Variants in HSPG2 observed in about 807,000 individuals in gnomAD.
HSPG2 encodes basement membrane-specific heparan sulfate proteoglycan core protein.
Under a neutral mutation model 526.6 loss-of-function variants are expected in HSPG2, and 278 were observed. The observed-to-expected ratio is 0.53, with a 90% confidence interval of 0.48 to 0.58. The LOEUF is 0.58. Among genes scored for constraint, HSPG2 ranks in the 20% least tolerant of loss-of-function variants. HSPG2 has a pLI of 0.00. For missense variants in HSPG2, 5,354 were observed against 6,099.5 expected (o/e 0.88, Z 4.07); for synonymous variants, 2,465 against 2,555.4 (o/e 0.96, Z 1.07).
chr1:21,842,475 G>T (rs66533518), intron 67 of HSPG2, 95 bp from the exon 68 acceptor site: 1 of 1,370,516 alleles, frequency 7.3e-7, no homozygotes. Context: ...GAGTTCTCTC[G>T]GAAGCTCAGG....
chr1:21,835,496 C>T, intron 76 of HSPG2, 44 bp downstream of exon 76: 1 of 1,322,592 alleles, frequency 7.6e-7, no homozygotes, highest in South Asian at 1.2e-5. Context: ...CCTTTCTCAT[C>T]TCTGTTCCCT....
At chr1:21,888,948 C>T (rs1052899886) in intron 6 of HSPG2, among the ~76,000 whole-genome samples, 18 of 152,180 alleles carry the variant, frequency 1.2e-4, no homozygotes, top group Admixed American at 5.2e-4. Flanking sequence ...GTTTTAGAGG[C>T]AGGGTTTTGC....
Position 21,890,583 on chromosome 1 carries a change from A to G in HSPG2, c.354+2T>C. ...GAGCTTCCCAAACCCCCTTCACCTC[A>G]CCGTGTCTACCACAGCCTCGGACAC... On this transcript the variant is annotated splice_donor_variant, in intron 4 of 96. Coordinates refer to ENST00000374695, the MANE Select transcript of HSPG2 (RefSeq NM_005529.7). LOFTEE classifies it high-confidence loss of function. This position sits in a 1 kb window ranked among gnomAD's most constrained non-coding sequence, Gnocchi z 4.1. The G allele has an allele frequency of 1.9e-6, 3 of 1,610,468 alleles. No individual in the cohort carries two copies. Among genetic ancestry groups the G allele is most frequent in the Non-Finnish European group, 1.7e-6 (2 of 1,177,032 alleles).
rs767688631 is a variant in HSPG2 at position 21,841,208 on chromosome 1, T to C, written c.9406A>G (p.Ser3136Gly). 1 of 1,613,882 alleles carries C rather than the reference T, an allele frequency of 6.2e-7. No homozygotes were observed. The highest frequency in any genetic ancestry group is 8.5e-7 in the Non-Finnish European group (1 of 1,180,044). ...GCAGAGGAGCGGGGCTCCCCGGCAC[T>C]GACACACTCCAGGGTGACAGCCTTT... ...VGKAVTLECV[S>G]AGEPRSSARW... is the part of the protein sequence containing the mutation. The change falls in exon 71 of 97, where the codon AGT (serine) becomes GGT (glycine). Residue 3136 changes from serine to glycine, a missense_variant. Transcript: ENST00000374695.
chr1:21,859,773 GC>G lies in HSPG2; in HGVS notation c.5182+61del. On this transcript the variant is annotated intron_variant, in intron 41 of 96. Coordinates refer to ENST00000374695, the MANE Select transcript of HSPG2 (RefSeq NM_005529.7). The surrounding 1 kb of genome is among the most constrained non-coding windows in gnomAD (Gnocchi z 5.3). ...CAGCATCCCACTAGGGCAGGGACAG[GC>G]CCCTGCCTCCCCTCCCACTGGGATG... is the stretch of plus-strand genomic sequence containing the variant. The G allele has an allele frequency of 6.3e-7, 1 of 1,597,244 alleles. No individual in the cohort carries two copies.
At chr1:21,881,760 T>G (rs1050438043) in intron 13 of HSPG2, among the ~76,000 whole-genome samples, 1 of 151,856 alleles carries the variant, frequency 6.6e-6, no homozygotes, top group Non-Finnish European at 1.5e-5. Flanking sequence ...CTTCCCAACA[T>G]GGTGAAACCT....
At position 21,832,539 on chromosome 1, in the gene HSPG2, G is replaced by A. The variant is rs529410185; in HGVS notation, c.11163C>T (p.Pro3721=). The A allele has an allele frequency of 1.9e-5, 31 of 1,614,082 alleles. No homozygotes were observed. The highest frequency in any genetic ancestry group is 5.3e-5 in the African/African-American group (4 of 74,930). ...CCACGAGGCCGAAGGAGATGAAGTC[G>A]GGCTGCCGGTTGGCCAGGTTGGTGG... The part of the protein sequence containing the change: ...GSPTNLANRQ[P]DFISFGLVGG... The change falls in exon 81 of 97, where the codon CCC becomes CCT. Residue 3721 remains proline, a synonymous_variant. Coordinates refer to ENST00000374695, the MANE Select transcript of HSPG2 (RefSeq NM_005529.7).
In HSPG2 at chr1:21,933,875, G is replaced by T. The variant is rs1379280238; in HGVS notation, c.63+3280C>A. On this transcript the variant is annotated intron_variant, in intron 1 of 96. Coordinates refer to ENST00000374695, the MANE Select transcript of HSPG2 (RefSeq NM_005529.7). Reference sequence around the variant, plus strand: ...CTGGCTGCGTGGAGGAGGGCTGAGGGACCGCCAGGAAGGGGAGGCTCCTGC... The same window carrying T: ...CTGGCTGCGTGGAGGAGGGCTGAGGTACCGCCAGGAAGGGGAGGCTCCTGC... Among the ~76,000 whole-genome samples, 6 of 152,370 alleles carry T rather than the reference G, an allele frequency of 3.9e-5. No individual in the cohort carries two copies. The East Asian group carries it at 7.7e-4, about 20-fold the overall frequency.
Position 21,824,506 on chromosome 1 carries a change from C to T in HSPG2, c.12744+31G>A, listed in dbSNP as rs1027104657. On this transcript the variant is annotated intron_variant, in intron 93 of 96. Coordinates refer to ENST00000374695, the MANE Select transcript of HSPG2 (RefSeq NM_005529.7). The surrounding 1 kb of genome is among the most constrained non-coding windows in gnomAD (Gnocchi z 5.9). The stretch of plus-strand genomic sequence containing the variant: ...GAAGCCAGCTTCCTGCCCCAGGAGC[C>T]CCAAGAGCCCAGCCGGATACCCACA... The T allele has an allele frequency of 3.1e-6, 5 of 1,611,384 alleles. No homozygotes were observed. The highest frequency in any genetic ancestry group is 4.2e-6 in the Non-Finnish European group (5 of 1,179,242).
chr1:21,847,838 G>C lies in HSPG2; in HGVS notation c.7876C>G (p.Pro2626Ala). Reference sequence around the variant, plus strand: ...ATCCTGATCGGTGGGGAGACGCTGGGCACTGGGGACAGACGGGTGTGGACC... The same window carrying C: ...ATCCTGATCGGTGGGGAGACGCTGGCCACTGGGGACAGACGGGTGTGGACC... ...TIQGSGSSHV[P>A]SVSPPIRIES... The change falls in exon 61 of 97, where the codon CCC becomes GCC. Residue 2626 changes from proline to alanine, a missense_variant and splice_region_variant. By Grantham distance (27) the Pro-to-Ala change is conservative. Transcript: ENST00000374695. The surrounding 1 kb of genome is among the most constrained non-coding windows in gnomAD (Gnocchi z 4.1). 1 of 1,613,904 alleles carries C rather than the reference G, an allele frequency of 6.2e-7. No homozygotes were observed. The highest frequency in any genetic ancestry group is 1.1e-5 in the South Asian group (1 of 91,074).
chr1:21,836,223 TTC>T (rs1297840625), intron 75 of HSPG2, among the ~76,000 whole-genome samples: 1 of 152,178 alleles, frequency 6.6e-6, no homozygotes, highest in African/African-American at 2.4e-5. Flanking sequence ...CCAGGGCCTG[TTC>T]TCTTTCCTCC....
chr1:21,830,538 A>T (rs1167198062), intron 85 of HSPG2: 1 of 268,584 alleles, frequency 3.7e-6, no homozygotes, highest in Non-Finnish European at 7.2e-6. Flanking sequence ...AAATGCAAAA[A>T]ATTTAGCCAG....
intron 74 of HSPG2, among the ~76,000 whole-genome samples, chr1:21,837,445 A>AG (rs776911565): frequency 1.4e-5 from 2 of 139,430 alleles, no homozygotes; most frequent in African/African-American, 5.2e-5. Context: ...TGCCTGGCTA[A>AG]TTTTTTTTTT....
chr1:21,901,534 G>C (rs1643103582), intron 1 of HSPG2, among the ~76,000 whole-genome samples: 1 of 152,082 alleles, frequency 6.6e-6, no homozygotes, highest in South Asian at 2.1e-4. Flanking sequence ...TGCCTGCTCA[G>C]AGGCTGACTC....
Position 21,887,824 on chromosome 1 carries a change from C to A in HSPG2, c.703+114G>T. 1 of 1,577,092 alleles carries A rather than the reference C, an allele frequency of 6.3e-7. No individual in the cohort carries two copies. Among genetic ancestry groups the A allele is most frequent in the Non-Finnish European group, 8.7e-7 (1 of 1,149,266 alleles). On this transcript the variant is annotated intron_variant, in intron 7 of 96. Transcript: ENST00000374695. This position sits in a 1 kb window ranked among gnomAD's most constrained non-coding sequence, Gnocchi z 5.0. Reference sequence around the variant, plus strand: ...TCTGTCATCACCCTTCCTATGCCCCCATCCTCTGCCTGCACCAAACCCTCA... The same window carrying A: ...TCTGTCATCACCCTTCCTATGCCCCAATCCTCTGCCTGCACCAAACCCTCA...
chr1:21,893,469 G>T lies in HSPG2; in HGVS notation c.244+2453C>A, dbSNP rs1290960360. Among the ~76,000 whole-genome samples, 1 of 152,212 alleles carries T rather than the reference G, an allele frequency of 6.6e-6. No individual in the cohort carries two copies. Among genetic ancestry groups the T allele is most frequent in the African/African-American group, 2.4e-5 (1 of 41,454 alleles). ...CCTCTTGTGTGACTCGCAGCAAAGT[G>T]CAGGTTGGGGAGGAAGAGAACAGGG... On this transcript the variant is annotated intron_variant, in intron 3 of 96. Coordinates refer to ENST00000374695, the MANE Select transcript of HSPG2 (RefSeq NM_005529.7). The surrounding 1 kb of genome is among the most constrained non-coding windows in gnomAD (Gnocchi z 4.3).
chr1:21,862,538 T>C (rs1325090496), intron 37 of HSPG2, among the ~76,000 whole-genome samples: 3 of 142,906 alleles, frequency 2.1e-5, no homozygotes, highest in Non-Finnish European at 4.5e-5. Flanking sequence ...GAGCCGAGAT[T>C]GCACCACTGC....
Position 21,865,230 on chromosome 1 carries a change from A to G in HSPG2, c.4395+55T>C, listed in dbSNP as rs1640132265. ...GGGTGGGTATCAAAGCCAGGCTCTG[A>G]GTCAGGGTGGAGGGTGGGGTGGGGT... is the stretch of plus-strand genomic sequence containing the variant. On this transcript the variant is annotated intron_variant, in intron 35 of 96. Coordinates refer to ENST00000374695, the MANE Select transcript of HSPG2 (RefSeq NM_005529.7). This position sits in a 1 kb window ranked among gnomAD's most constrained non-coding sequence, Gnocchi z 5.4. 4 of 1,573,088 alleles carry G rather than the reference A, an allele frequency of 2.5e-6. No individual in the cohort carries two copies. The highest frequency in any genetic ancestry group is 3.5e-6 in the Non-Finnish European group (4 of 1,142,958).
At chr1:21,834,150 C>T (rs1436992001) in intron 77 of HSPG2, among the ~76,000 whole-genome samples, 2 of 152,196 alleles carry the variant, frequency 1.3e-5, no homozygotes, top group African/African-American at 4.8e-5. Flanking sequence ...CAGCCTGAGA[C>T]CTCTTCAACA....
Sources: gnomAD v4.1 joint callset for allele counts (sites outside exome capture counted in the v4.1 genomes callset) on GRCh38, gnomAD v4.1.1 for gene constraint, Gnocchi (gnomAD v3.1) non-coding constraint, MANE v1.5 for transcripts, NCBI Gene and HGNC (gene_info 2026-07-23, HGNC 2026-07-21) for gene names.